Variants in CTBP2 observed in about 807,000 individuals in gnomAD.
CTBP2 encodes C-terminal-binding protein 2.
Under a neutral mutation model 80.3 loss-of-function variants are expected in CTBP2, and 30 were observed. That is an observed-to-expected ratio of 0.37 (90% CI 0.28 to 0.51). The LOEUF (loss-of-function observed/expected upper bound fraction) is 0.51, where lower values mean the gene tolerates loss of function less well. Among genes scored for constraint, CTBP2 ranks in the 20% least tolerant of loss-of-function variants. The pLI is 0.93. For missense variants in CTBP2, 1,212 were observed against 1,375.3 expected (o/e 0.88, Z 1.88); for synonymous variants, 594 against 587.4 (o/e 1.01, Z -0.16).
intron 2 of CTBP2, among the ~76,000 whole-genome samples, chr10:125,051,946 C>G (rs1447599480): frequency 6.6e-6 from 1 of 152,182 alleles, no homozygotes; most frequent in Non-Finnish European, 1.5e-5. Flanking sequence ...GCTACGGAGA[C>G]AGGGCTTCTC....
chr10:125,131,053 C>T (rs193007223), intron 1 of CTBP2, among the ~76,000 whole-genome samples: 7 of 152,236 alleles, frequency 4.6e-5, no homozygotes, highest in Admixed American at 2.0e-4. Context: ...CAGAGGGAGA[C>T]GCAAGTCTGA....
Position 125,078,647 on chromosome 10 carries a change from T to C in CTBP2, c.-102+32343A>G, listed in dbSNP as rs558469944. Among the ~76,000 whole-genome samples the C allele has an allele frequency of 6.6e-5, 10 of 152,180 alleles. No homozygotes were observed. The South Asian group carries it at 1.0e-3, about 16-fold the overall frequency. The stretch of plus-strand genomic sequence containing the variant: ...TCACAGACAAGCCAAGCTGCGATGG[T>C]TGGGGACAGCTCTGGAGGCGGAGCA... On this transcript the variant is annotated intron_variant, in intron 2 of 10. Transcript: ENST00000337195.
intron 1 of CTBP2, among the ~76,000 whole-genome samples, chr10:125,138,432 G>A (rs111664763): frequency 2.1e-3 from 319 of 152,248 alleles, no homozygotes; most frequent in African/African-American, 7.2e-3. Flanking sequence ...AAACACATCC[G>A]CGTTTGGTGG....
intron 1 of CTBP2, among the ~76,000 whole-genome samples, chr10:125,155,413 T>G (rs900016682): frequency 1.3e-5 from 2 of 152,146 alleles, no homozygotes; most frequent in Admixed American, 6.5e-5. Flanking sequence ...CTTTTTTTTT[T>G]TACACAATGT....
Position 124,987,467 on chromosome 10 carries a change from G to A in CTBP2, c.*2051C>T, listed in dbSNP as rs184239282. On this transcript the variant is annotated 3_prime_UTR_variant, in exon 9 of 9. Transcript: ENST00000309035. ...GCCTTTTTATGTTTTTGACTCTTAGGTTCATCGTGTCCCAGACTTCTTCAC... is the reference window on the plus strand; with the variant it reads ...GCCTTTTTATGTTTTTGACTCTTAGATTCATCGTGTCCCAGACTTCTTCAC... 2.6e-5 allele frequency: 4 copies of A among 152,182 alleles called. No homozygotes were observed. The highest frequency in any genetic ancestry group is 5.9e-5 in the Non-Finnish European group (4 of 68,016). The allele number at this position is 152,182 out of a possible 1,614,324, so 9.4% of individuals were successfully genotyped here.
chr10:124,993,800 C>A, intron 6 of CTBP2, 55 bp downstream of exon 8: 2 of 1,562,696 alleles, frequency 1.3e-6, no homozygotes, highest in South Asian at 1.2e-5. Context: ...GTGTGGGGGT[C>A]AGGTGTGGAG....
At chr10:125,084,107 G>A (rs1432957788) in intron 2 of CTBP2, among the ~76,000 whole-genome samples, 1 of 152,048 alleles carries the variant, frequency 6.6e-6, no homozygotes, top group East Asian at 1.9e-4. Context: ...ATTTTTTGTA[G>A]AGAAGAGAGC....
chr10:125,061,142 T>C (rs913250701), intron 2 of CTBP2, among the ~76,000 whole-genome samples: 14 of 152,232 alleles, frequency 9.2e-5, no homozygotes, highest in African/African-American at 3.4e-4. Flanking sequence ...AAGCTGAGCA[T>C]ACTATTTTCA....
chr10:124,994,028 G>C (rs770228447), intron 5 of CTBP2, 43 bp from the exon 8 acceptor site: 1 of 1,611,202 alleles, frequency 6.2e-7, no homozygotes, highest in South Asian at 1.1e-5. Flanking sequence ...CACTGGCATG[G>C]TGGAAGACTC....
chr10:125,024,301 G>A (rs959670862), intron 1 of CTBP2, among the ~76,000 whole-genome samples: 1 of 152,200 alleles, frequency 6.6e-6, no homozygotes, highest in Non-Finnish European at 1.5e-5. Flanking sequence ...TGCAGCTATG[G>A]GGTGGATCAT....
At position 125,027,526 on chromosome 10, in the gene CTBP2, T is replaced by C; in HGVS notation, c.234A>G (p.Ser78=). The C allele has an allele frequency of 6.2e-7, 1 of 1,614,120 alleles. No homozygotes were observed. Among genetic ancestry groups the C allele is most frequent in the Middle Eastern group, 1.6e-4 (1 of 6,062 alleles). ...GAGTAGACCCCTTTCTTGCAGCCAC[T>C]GAGTTATAAACGGCCTCCCGGTACA... Residue 78 remains serine (S), a synonymous_variant, in exon 1 of 9, where the codon TCA becomes TCG. Coordinates refer to ENST00000309035, the MANE Select transcript of CTBP2 (RefSeq NM_022802.3).
intron 1 of CTBP2, among the ~76,000 whole-genome samples, chr10:125,156,372 C>G (rs1282406040): frequency 6.6e-6 from 1 of 152,248 alleles, no homozygotes; most frequent in Non-Finnish European, 1.5e-5. Context: ...ACAACTGGGG[C>G]TGCCATTCTA....
intron 2 of CTBP2, among the ~76,000 whole-genome samples, chr10:125,076,961 A>G (rs142550233): frequency 1.3e-5 from 2 of 152,312 alleles, no homozygotes; most frequent in East Asian, 1.9e-4. Context: ...TTACAATAAC[A>G]AGAAATAACC....
At chr10:125,158,720 C>A (rs1181076632) in intron 1 of CTBP2, 2 of 151,958 alleles carry the variant, frequency 1.3e-5, no homozygotes, top group Non-Finnish European at 2.9e-5. Flanking sequence ...GGGATTTCTA[C>A]GAAAAATTCC....
chr10:125,098,734 G>GAGAGAGAGAGAC, intron 2 of CTBP2, among the ~76,000 whole-genome samples: 1 of 132,200 alleles, frequency 7.6e-6, no homozygotes, highest in East Asian at 2.2e-4. Context: ...CAGAGAGAGA[G>GAGAGAGAGAGAC]AGAGAGAGAG....
At chr10:125,033,368 C>T (rs760080473) in intron 3 of CTBP2, among the ~76,000 whole-genome samples, 7 of 152,194 alleles carry the variant, frequency 4.6e-5, no homozygotes, top group Non-Finnish European at 8.8e-5. Context: ...GACAGAGGAA[C>T]GCCCTCGAGC....
chr10:125,129,854 G>C (rs945482985), intron 1 of CTBP2, among the ~76,000 whole-genome samples: 1 of 152,118 alleles, frequency 6.6e-6, no homozygotes, highest in Non-Finnish European at 1.5e-5. Flanking sequence ...CTGCCCGTGA[G>C]CTCAAGGAGG....
At chr10:125,130,275 T>C (rs778690980) in intron 1 of CTBP2, among the ~76,000 whole-genome samples, 1 of 152,122 alleles carries the variant, frequency 6.6e-6, no homozygotes, top group East Asian at 1.9e-4. Context: ...CTCGAACTCC[T>C]GACCTCAGGT....
chr10:125,015,373 A>G (rs1299990250), intron 1 of CTBP2, among the ~76,000 whole-genome samples: 1 of 152,260 alleles, frequency 6.6e-6, no homozygotes, highest in South Asian at 2.1e-4. Context: ...GCTGGTTTTC[A>G]TATCAATGCA....
Sources: allele counts gnomAD v4.1 joint callset (sites outside exome capture counted in the v4.1 genomes callset), GRCh38; gene constraint gnomAD v4.1.1; transcripts MANE v1.5; gene names NCBI Gene and HGNC (gene_info 2026-07-23, HGNC 2026-07-21).